Variants in CA3 observed in about 807,000 individuals in gnomAD.
CA3 encodes the protein CA-III.
In CA3, 30 loss-of-function variants were observed where a neutral mutation model predicts 35.7. The observed-to-expected ratio is 0.84, with a 90% CI of 0.63 to 1.14. The LOEUF (loss-of-function observed/expected upper bound fraction) is 1.14. Ranked by LOEUF, CA3 falls within the 50% of genes most tolerant of loss-of-function variation. The pLI is 0.00. For synonymous variants in CA3, 131 were observed against 130.8 expected (o/e 1.00, Z -0.01); for missense variants, 295 against 328.5 (o/e 0.90, Z 0.79).
intron 2 of CA3, among the ~76,000 whole-genome samples, chr8:85,440,824 T>G (rs75488687): frequency 0.026 from 3,934 of 152,292 alleles, 179 homozygotes; most frequent in African/African-American, 0.09. Flanking sequence ...ATTTAAATTT[T>G]CTTAAACAGT....
At chr8:85,445,052 T>G in intron 4 of CA3, 104 bp from the exon 5 acceptor site, 1 of 666,804 alleles carries the variant, frequency 1.5e-6, no homozygotes, top group Non-Finnish European at 2.6e-6. Context: ...TCTGGCAGAT[T>G]TATAAACACT....
At position 85,439,838 on chromosome 8, in the gene CA3, G is replaced by T; in HGVS notation, c.161G>T (p.Gly54Val). The T allele has an allele frequency of 6.2e-7, 1 of 1,613,948 alleles. No homozygotes were observed. Among genetic ancestry groups the T allele is most frequent in the Non-Finnish European group, 8.5e-7 (1 of 1,179,978 alleles). The change falls in exon 2 of 7, where the codon GGC becomes GTC. Residue 54 changes from glycine (G) to valine (V), a missense_variant. Coordinates refer to ENST00000285381, the MANE Select transcript of CA3 (RefSeq NM_005181.4). ...LQPWSVSYDGGSAKTILNNGK... is the reference protein window; with the variant it reads ...LQPWSVSYDGVSAKTILNNGK... ...CCATGGTCTGTGTCTTATGATGGTG[G>T]CTCTGCCAAGACCATCCTGAATAAT...
intron 3 of CA3, among the ~76,000 whole-genome samples, chr8:85,442,853 C>T (rs2130503250): frequency 6.6e-6 from 1 of 152,188 alleles, no homozygotes; most frequent in Admixed American, 6.5e-5. Flanking sequence ...TCTTAGCTAC[C>T]TTATGAGACA....
chr8:85,440,440 T>C (rs1326259671), intron 2 of CA3, among the ~76,000 whole-genome samples: 1 of 152,228 alleles, frequency 6.6e-6, no homozygotes, highest in African/African-American at 2.4e-5. Context: ...TCAGTGGGGT[T>C]CATCTGATTA....
At position 85,448,133 on chromosome 8, in the gene CA3, G is replaced by C; in HGVS notation, c.763G>C (p.Val255Leu). 1 of 1,612,708 alleles carries C rather than the reference G, an allele frequency of 6.2e-7. No individual in the cohort carries two copies. The highest frequency in any genetic ancestry group is 8.5e-7 in the Non-Finnish European group (1 of 1,179,410). ...RPPQPINNRV[V>L]RASFK ...TCCACAGCCTATCAATAACAGGGTG[G>C]TGAGAGCTTCCTTCAAATGAGGCTG... is the stretch of plus-strand genomic sequence containing the variant. The change falls in exon 7 of 7, where the codon GTG becomes CTG. Residue 255 changes from valine (V) to leucine (L), a missense_variant. Val to Leu is a conservative substitution (Grantham distance 32). Transcript: ENST00000285381.
chr8:85,442,930 T>C (rs1811227662), intron 3 of CA3, among the ~76,000 whole-genome samples: 1 of 152,216 alleles, frequency 6.6e-6, no homozygotes, highest in Admixed American at 6.5e-5. Context: ...TGGTGAGTGC[T>C]AGTGCTCTAC....
rs113988139 is a variant in CA3, at chr8:85,447,900, A to AAAAC, written c.664-110_664-107dup. Reference sequence around the variant, plus strand: ...GGCTACAGAGCGAGACTCTGTCTCAAAAACAAACAAACAAACAAACAAACA... The same window carrying AAAAC: ...GGCTACAGAGCGAGACTCTGTCTCAAAAACAAACAAACAAACAAACAAACAAACA... On this transcript the variant is annotated intron_variant, in intron 6 of 6. Coordinates refer to ENST00000285381, the MANE Select transcript of CA3 (RefSeq NM_005181.4). The AAAAC allele has an allele frequency of 1.3e-3, 1,077 of 849,842 alleles. 6 individuals carry two copies. The highest frequency in any genetic ancestry group is 0.011 in the African/African-American group (658 of 57,648). 52.6% of individuals were successfully genotyped at this position (849,842 alleles called of 1,614,324 possible).
chr8:85,442,693 A>G (rs1811224420), intron 3 of CA3, among the ~76,000 whole-genome samples: 1 of 152,226 alleles, frequency 6.6e-6, no homozygotes, highest in African/African-American at 2.4e-5. Flanking sequence ...AGCCTGAGCA[A>G]CAGAGTAAGA....
intron 3 of CA3, 172 bp downstream of exon 3, chr8:85,442,363 G>A (rs1203725609): frequency 3.4e-6 from 2 of 590,268 alleles, no homozygotes; most frequent in Non-Finnish European, 6.1e-6. Flanking sequence ...TTCTAGGCTA[G>A]ACAGGTAAAA....
At chr8:85,446,066 A>G (rs989852002) in intron 5 of CA3, 76 bp from the exon 6 acceptor site, 1 of 1,263,712 alleles carries the variant, frequency 7.9e-7, no homozygotes, top group Admixed American at 2.7e-5. Context: ...TCTTACAAAT[A>G]AAGTGGTGAG....
rs1267545743 is a variant in CA3, at chr8:85,448,055, C to T, written c.685C>T (p.Leu229Phe). Reference protein sequence around the residue: ...SDQMAKLRSLLSSAENEPPVP... With the variant: ...SDQMAKLRSLFSSAENEPPVP... ...GCAGATGGCCAAGCTGCGGAGCCTC[C>T]TCTCCAGTGCTGAGAACGAGCCCCC... The change falls in exon 7 of 7, where the codon CTC becomes TTC. Residue 229 changes from leucine (L) to phenylalanine (F), a missense_variant. Physicochemically the swap from Leu to Phe is conservative, Grantham distance 22. Coordinates refer to ENST00000285381, the MANE Select transcript of CA3 (RefSeq NM_005181.4). 1 of 1,612,350 alleles carries T rather than the reference C, an allele frequency of 6.2e-7. No individual in the cohort carries two copies. Among genetic ancestry groups the T allele is most frequent in the East Asian group, 2.2e-5 (1 of 44,834 alleles).
chr8:85,439,691 C>A, intron 1 of CA3, 21 bp from the exon 2 acceptor site: 1 of 1,588,650 alleles, frequency 6.3e-7, no homozygotes. Flanking sequence ...ATAAATACAT[C>A]TCCTCGACTT....
rs1811329380 is a variant in CA3 at position 85,448,743 on chromosome 8, T to G, written c.*590T>G. 1 of 152,212 alleles carries G rather than the reference T, an allele frequency of 6.6e-6. No homozygotes were observed. Among genetic ancestry groups the G allele is most frequent in the Admixed American group, 6.5e-5 (1 of 15,276 alleles). The allele number at this position is 152,212 out of a possible 1,614,324, so 9.4% of individuals were successfully genotyped here. A position where few individuals can be genotyped will look rare whatever the true frequency, so the allele number is the denominator to read the frequency against. On this transcript the variant is annotated 3_prime_UTR_variant, in exon 7 of 7. Transcript: ENST00000285381. ...AAGATTACTTGGTTTTGATTACCAG[T>G]GAAAAGAAAACACAATACAATCAGG...
intron 1 of CA3, 135 bp from the exon 2 acceptor site, chr8:85,439,577 T>A: frequency 1.6e-6 from 1 of 617,750 alleles, no homozygotes; most frequent in South Asian, 2.0e-5. Context: ...CTAAGTCTCT[T>A]ATTGCCCAGT....
At chr8:85,447,428 AAT>A (rs1411804486) in intron 6 of CA3, among the ~76,000 whole-genome samples, 6 of 152,224 alleles carry the variant, frequency 3.9e-5, no homozygotes, top group Non-Finnish European at 7.3e-5. Flanking sequence ...ATAAAAAGTA[AAT>A]GTTTCAGATT....
chr8:85,439,022 C>G lies in CA3; in HGVS notation c.34+79C>G, dbSNP rs933570488. 12 of 1,369,030 alleles carry G rather than the reference C, an allele frequency of 8.8e-6. No individual in the cohort carries two copies. The African/African-American group carries it at 1.6e-4, about 18-fold the overall frequency. The allele number at this position is 1,369,030 out of a possible 1,614,324, so 84.8% of individuals were successfully genotyped here. A position where few individuals can be genotyped will look rare whatever the true frequency, so the allele number is the denominator to read the frequency against. The stretch of plus-strand genomic sequence containing the variant: ...CCTGCCATTGCACAGAAATGGGCAA[C>G]TTTAGAGACTGCAGTGGAAAATGTA... On this transcript the variant is annotated intron_variant, in intron 1 of 6. Transcript: ENST00000285381.
intron 6 of CA3, 24 bp from the exon 7 acceptor site, chr8:85,448,010 A>G: frequency 6.2e-7 from 1 of 1,600,066 alleles, no homozygotes; most frequent in Non-Finnish European, 8.5e-7. Flanking sequence ...TGTCTTGTTA[A>G]CAGTCTGCCC....
chr8:85,447,950 C>T (rs1811315200), intron 6 of CA3, 84 bp from the exon 7 acceptor site: 2 of 1,279,244 alleles, frequency 1.6e-6, no homozygotes, highest in East Asian at 5.1e-5. Flanking sequence ...AAAAAAAACC[C>T]CAGCAGTATT....
intron 6 of CA3, 104 bp from the exon 7 acceptor site, chr8:85,447,930 A>C (rs1194027017): frequency 9.1e-7 from 1 of 1,100,148 alleles, no homozygotes; most frequent in Non-Finnish European, 1.3e-6. Flanking sequence ...CAAACAAAAA[A>C]ACCAACAACA....
Sources: allele counts gnomAD v4.1 joint callset (sites outside exome capture counted in the v4.1 genomes callset), GRCh38; gene constraint gnomAD v4.1.1; transcripts MANE v1.5; gene names NCBI Gene and HGNC (gene_info 2026-07-23, HGNC 2026-07-21).